Variants in SIGLEC15 observed in about 807,000 individuals in gnomAD.
SIGLEC15 encodes sialic acid-binding Ig-like lectin 15.
SIGLEC15 carries 31 observed loss-of-function variants against 26.2 expected under a neutral mutation model. The observed-to-expected ratio is 1.18, with a 90% CI of 0.89 to 1.60. The LOEUF is 1.60. Ranked by LOEUF, SIGLEC15 falls within the 40% of genes most tolerant of loss-of-function variation. SIGLEC15 has a pLI of 0.00. For missense variants in SIGLEC15, 501 were observed against 488.4 expected (o/e 1.03, Z -0.24); for synonymous variants, 207 against 221.9 (o/e 0.93, Z 0.60).
intron 4 of SIGLEC15, 150 bp downstream of exon 4, chr18:45,839,245 C>A: frequency 1.7e-6 from 2 of 1,161,644 alleles, no homozygotes; most frequent in South Asian, 4.8e-5. Context: ...TTGCATGAAG[C>A]CCAGCAGGTG....
At position 45,837,034 on chromosome 18, in the gene SIGLEC15, T is replaced by C. The variant is rs764342824; in HGVS notation, c.58T>C (p.Phe20Leu). Residue 20 changes from phenylalanine (F) to leucine (L), a missense_variant, in exon 2 of 6, where the codon TTT (phenylalanine) becomes CTT (leucine). Transcript: ENST00000389474. ...CLAWVLPTGS[F>L]VRTKIDTTEN... ...TTAACTGTGTTTATCTGTAGGCTCATTTGTGAGAACTAAAATAGATACTAC... is the reference window on the plus strand; with the variant it reads ...TTAACTGTGTTTATCTGTAGGCTCACTTGTGAGAACTAAAATAGATACTAC... 1.2e-5 allele frequency: 17 copies of C among 1,459,444 alleles called. No homozygotes were observed. In the East Asian group the frequency reaches 3.4e-4, roughly 29 times the overall value. The allele number at this position is 1,459,444 out of a possible 1,614,324, so 90.4% of individuals were successfully genotyped here.
At chr18:45,828,974 C>A in intron 1 of SIGLEC15, 1 of 440,824 alleles carries the variant, frequency 2.3e-6, no homozygotes. Flanking sequence ...CTCCCAGTGG[C>A]TGTTGTGAGC....
At chr18:45,839,116 G>A (rs1599397616) in intron 4 of SIGLEC15, 21 bp downstream of exon 4, 3 of 1,365,182 alleles carry the variant, frequency 2.2e-6, no homozygotes, top group East Asian at 6.1e-5. Flanking sequence ...CCCAGACACG[G>A]GTGGCCGCGA....
At chr18:45,827,978 A>G (rs953874391) in intron 1 of SIGLEC15, among the ~76,000 whole-genome samples, 1 of 152,230 alleles carries the variant, frequency 6.6e-6, no homozygotes, top group African/African-American at 2.4e-5. Context: ...AGCTGCAGAA[A>G]GTCATTTTCT....
intron 5 of SIGLEC15, among the ~76,000 whole-genome samples, chr18:45,841,523 G>A (rs559376298): frequency 2.6e-5 from 4 of 152,282 alleles, no homozygotes; most frequent in Non-Finnish European, 4.4e-5. Flanking sequence ...GTTGCAGGCC[G>A]TTGGCAAGGC....
chr18:45,825,828 G>A (rs1319632963), intron 1 of SIGLEC15, 48 bp downstream of exon 1: 11 of 1,606,546 alleles, frequency 6.8e-6, no homozygotes, highest in Non-Finnish European at 9.4e-6. Context: ...CAGAATAGAT[G>A]CTGAAAGCAT....
chr18:45,838,009 C>A, intron 3 of SIGLEC15, 113 bp downstream of exon 3: 3 of 1,294,630 alleles, frequency 2.3e-6, no homozygotes, highest in Non-Finnish European at 3.0e-6. Context: ...GGCAACGAGA[C>A]CCAGCCCTCT....
intron 4 of SIGLEC15, 126 bp from the exon 5 acceptor site, chr18:45,840,085 C>T: frequency 9.9e-7 from 1 of 1,007,794 alleles, no homozygotes; most frequent in Non-Finnish European, 1.5e-6. Context: ...CCCTGCTAGT[C>T]TGCTGTTTGC....
chr18:45,842,148 G>T lies in SIGLEC15; in HGVS notation c.948G>T (p.Met316Ile). 12 of 1,614,194 alleles carry T rather than the reference G, an allele frequency of 7.4e-6. No homozygotes were observed. The highest frequency in any genetic ancestry group is 9.3e-6 in the Non-Finnish European group (11 of 1,180,024). ...CCAATTATGAAAATTTGAGCCAGAT[G>T]AACCCCCGGAGCCCACCAGCCACCA... ...QESNYENLSQ[M>I]NPRSPPATMC... Residue 316 changes from methionine (M) to isoleucine (I), a missense_variant, in exon 6 of 6, where the codon ATG becomes ATT. Physicochemically the swap from Met to Ile is conservative, Grantham distance 10. Transcript: ENST00000389474.
rs2048338594 is a variant in SIGLEC15, at chr18:45,843,073, C to A, written c.*886C>A. 1 of 152,278 alleles carries A rather than the reference C, an allele frequency of 6.6e-6. No homozygotes were observed. The highest frequency in any genetic ancestry group is 6.5e-5 in the Admixed American group (1 of 15,284). 9.4% of individuals were successfully genotyped at this position (152,278 alleles called of 1,614,324 possible). On this transcript the variant is annotated 3_prime_UTR_variant, in exon 6 of 6. Transcript: ENST00000389474. ...GCTGGGACCCCTAGGAAATGGAAAC[C>A]AGGCTCCCCTCTCTCAAGGTATCTG...
At chr18:45,835,731 T>C (rs1177555647) in intron 1 of SIGLEC15, among the ~76,000 whole-genome samples, 1 of 151,878 alleles carries the variant, frequency 6.6e-6, no homozygotes, top group Non-Finnish European at 1.5e-5. Flanking sequence ...TGAAACACAG[T>C]GGGATTTTTT....
intron 1 of SIGLEC15, among the ~76,000 whole-genome samples, chr18:45,829,818 G>A (rs183524900): frequency 7.2e-4 from 109 of 152,184 alleles, no homozygotes; most frequent in African/African-American, 2.4e-3. Flanking sequence ...CTGGAGGCGT[G>A]GTCTTCCTAT....
At chr18:45,832,024 G>A (rs1027866995) in intron 1 of SIGLEC15, among the ~76,000 whole-genome samples, 2 of 152,190 alleles carry the variant, frequency 1.3e-5, no homozygotes, top group African/African-American at 4.8e-5. Context: ...GAGCCGCCAC[G>A]CCCGGCCCAA....
chr18:45,836,860 G>A (rs1024104811), intron 1 of SIGLEC15, among the ~76,000 whole-genome samples, 169 bp from the exon 2 acceptor site: 3 of 152,190 alleles, frequency 2.0e-5, no homozygotes, highest in Admixed American at 6.5e-5. Context: ...GGTGTCCTCG[G>A]AGAAGCCCCA....
chr18:45,830,928 G>C (rs1342491746), intron 1 of SIGLEC15, among the ~76,000 whole-genome samples: 2 of 152,006 alleles, frequency 1.3e-5, no homozygotes, highest in Non-Finnish European at 2.9e-5. Context: ...TGCTTTATGT[G>C]CTTTCTTGTC....
At position 45,831,743 on chromosome 18, in the gene SIGLEC15, C is replaced by CT. The variant is rs3068941; in HGVS notation, c.53-5273dup. On this transcript the variant is annotated intron_variant, in intron 1 of 5. Transcript: ENST00000389474. ...TGGTGTAGTGTCCAGGTACCAACAT[C>CT]TTTTTTTTTTTTTGGCGGAGTTTCA... Among the ~76,000 whole-genome samples, 555 of 146,584 alleles carry CT rather than the reference C, an allele frequency of 3.8e-3. 7 individuals carry two copies. The highest frequency in any genetic ancestry group is 9.8e-3 in the East Asian group (49 of 5,004).
chr18:45,836,840 T>G (rs1013089138), intron 1 of SIGLEC15, among the ~76,000 whole-genome samples, 189 bp from the exon 2 acceptor site: 14 of 152,188 alleles, frequency 9.2e-5, no homozygotes, highest in African/African-American at 3.4e-4. Context: ...TCTCTGTAAG[T>G]GGAAGTGCTG....
In SIGLEC15 at chr18:45,825,703, G is replaced by C. The variant is rs1315497693; in HGVS notation, c.-26G>C. The C allele has an allele frequency of 6.2e-7, 1 of 1,614,064 alleles. No homozygotes were observed. ...GGGGAGGTGGCCGAGAGCGGGTCTG[G>C]CCTGGGGTGTTCAGATGCTCACAGC... is the stretch of plus-strand genomic sequence containing the variant. On this transcript the variant is annotated 5_prime_UTR_variant, in exon 1 of 6. Coordinates refer to ENST00000389474, the MANE Select transcript of SIGLEC15 (RefSeq NM_213602.3).
At chr18:45,840,147 T>TGGGCGC in intron 4 of SIGLEC15, 64 bp from the exon 5 acceptor site, 2 of 1,583,776 alleles carry the variant, frequency 1.3e-6, no homozygotes, top group Admixed American at 3.5e-5. Flanking sequence ...TGGGTGGGGG[T>TGGGCGC]GGGCGCACAG....
Sources: allele counts gnomAD v4.1 joint callset (sites outside exome capture counted in the v4.1 genomes callset), GRCh38; gene constraint gnomAD v4.1.1; transcripts MANE v1.5; gene names NCBI Gene and HGNC (gene_info 2026-07-23, HGNC 2026-07-21).